The following RNLS variants were observed in gnomAD, a reference collection of about 807,000 sequenced individuals.
The protein encoded by RNLS is renalase.
A neutral mutation model predicts 39.8 loss-of-function variants in RNLS; 39 were observed. The observed-to-expected ratio is 0.98, with a 90% CI of 0.76 to 1.28. The LOEUF is 1.28. RNLS is among the 50% of genes most tolerant of loss of function. The pLI is 0.00. For synonymous variants in RNLS, 147 were observed against 150.7 expected (o/e 0.98, Z 0.18); for missense variants, 410 against 413.3 (o/e 0.99, Z 0.07).
At chr10:88,295,732 T>C (rs2132916794) in intron 6 of RNLS, among the ~76,000 whole-genome samples, 1 of 152,330 alleles carries the variant, frequency 6.6e-6, no homozygotes, top group South Asian at 2.1e-4. Flanking sequence ...GCAGGCAGAA[T>C]GTGCCACAAA....
chr10:88,571,843 A>T (rs1849858022), intron 4 of RNLS, among the ~76,000 whole-genome samples: 1 of 152,152 alleles, frequency 6.6e-6, no homozygotes. Context: ...TGTTGTTCAC[A>T]TGTATACTAG....
chr10:88,274,707 C>A, exon 7 of RNLS: 1 of 369,038 alleles, frequency 2.7e-6, no homozygotes. Context: ...GATAGATATC[C>A]AGATGTGGAA....
rs548831706 is a variant in RNLS, at chr10:88,362,941, C to T, written c.527-216G>A. Among the ~76,000 whole-genome samples, 15 of 152,230 alleles carry T rather than the reference C, an allele frequency of 9.9e-5. No homozygotes were observed. The East Asian group carries it at 2.5e-3, about 25-fold the overall frequency. On this transcript the variant is annotated intron_variant, in intron 4 of 6. Transcript: ENST00000331772. ...AAATTGTTTTTATCAAGCTGAAGGT[C>T]CACATTCTTTGGAATGGCGTTCAAG...
intron 4 of RNLS, among the ~76,000 whole-genome samples, chr10:88,545,715 T>A (rs1353254410): frequency 6.6e-6 from 1 of 152,196 alleles, no homozygotes; most frequent in Non-Finnish European, 1.5e-5. Context: ...AGCATTATAC[T>A]GCTATTATGT....
intron 4 of RNLS, among the ~76,000 whole-genome samples, chr10:88,504,323 G>A (rs1356142863): frequency 6.6e-6 from 1 of 152,000 alleles, no homozygotes; most frequent in Non-Finnish European, 1.5e-5. Context: ...TGATACTAGG[G>A]TGATTCCCAG....
chr10:88,382,273 T>C lies in RNLS; in HGVS notation c.527-19548A>G, dbSNP rs116166993. Among the ~76,000 whole-genome samples the C allele has an allele frequency of 6.9e-3, 1,048 of 152,226 alleles. 14 individuals are homozygous for C. Among genetic ancestry groups the C allele is most frequent in the African/African-American group, 0.023 (975 of 41,562 alleles). ...TACAGTGGAGTGTAGATGACTGTTA[T>C]CAAATTAGATGGCAAAGCATTGTGT... On this transcript the variant is annotated intron_variant, in intron 4 of 6. Coordinates refer to ENST00000331772, the MANE Select transcript of RNLS (RefSeq NM_001031709.3).
chr10:88,318,100 G>C (rs1845899704), intron 5 of RNLS, among the ~76,000 whole-genome samples: 1 of 152,224 alleles, frequency 6.6e-6, no homozygotes, highest in Admixed American at 6.5e-5. Context: ...ACTGAGCCAT[G>C]CTGGTTGTGC....
intron 4 of RNLS, among the ~76,000 whole-genome samples, chr10:88,504,677 T>G (rs1845687120): frequency 6.6e-6 from 1 of 152,070 alleles, no homozygotes; most frequent in South Asian, 2.1e-4. Flanking sequence ...TTAAAGGAAC[T>G]CTTGCATTCA....
intron 4 of RNLS, among the ~76,000 whole-genome samples, chr10:88,438,247 A>C (rs980731595): frequency 5.3e-5 from 8 of 152,122 alleles, no homozygotes; most frequent in Non-Finnish European, 1.0e-4. Context: ...CAATCCAGGC[A>C]GAGGGCAAAA....
the RNLS span, among the ~76,000 whole-genome samples, chr10:88,250,454 T>C: frequency 1.3e-5 from 2 of 152,068 alleles, no homozygotes; most frequent in Non-Finnish European, 2.9e-5. Flanking sequence ...ATGAATGAAA[T>C]GAATGAAGCA....
the RNLS span, among the ~76,000 whole-genome samples, chr10:88,234,929 A>G: frequency 6.6e-6 from 1 of 152,088 alleles, no homozygotes. Flanking sequence ...AGGGGTGGAT[A>G]TATTTGGCAA....
At chr10:88,444,284 C>T (rs1393179586) in intron 4 of RNLS, among the ~76,000 whole-genome samples, 1 of 152,160 alleles carries the variant, frequency 6.6e-6, no homozygotes, top group East Asian at 1.9e-4. Flanking sequence ...GGAAAACTAA[C>T]AAACAGAAAG....
chr10:88,230,777 G>A, the RNLS span, among the ~76,000 whole-genome samples: 1 of 152,182 alleles, frequency 6.6e-6, no homozygotes, highest in Admixed American at 6.5e-5. Context: ...TGTCAGTGCT[G>A]TTCTAATACT....
the RNLS span, among the ~76,000 whole-genome samples, chr10:88,235,342 T>C: frequency 1.3e-5 from 2 of 149,856 alleles, no homozygotes; most frequent in Admixed American, 6.6e-5. Context: ...GTGATAAATA[T>C]GGTCATATGC....
chr10:88,499,459 G>A (rs899608261), intron 4 of RNLS, among the ~76,000 whole-genome samples: 6 of 152,064 alleles, frequency 3.9e-5, no homozygotes, highest in African/African-American at 9.7e-5. Flanking sequence ...GCCTGTGTTC[G>A]TAACAGATAA....
chr10:88,285,339 A>G lies in RNLS; in HGVS notation c.*15T>C. ...TAAAAACCCAATACACATGTAGAGA[A>G]TAAGGATATAGGCACTAAATATAAT... is the stretch of plus-strand genomic sequence containing the variant. On this transcript the variant is annotated 3_prime_UTR_variant, in exon 7 of 7. Coordinates refer to ENST00000331772, the MANE Select transcript of RNLS (RefSeq NM_001031709.3). The G allele has an allele frequency of 2.5e-6, 4 of 1,598,334 alleles. No homozygotes were observed. Among genetic ancestry groups the G allele is most frequent in the Admixed American group, 1.7e-5 (1 of 58,720 alleles).
chr10:88,192,824 G>T, the RNLS span, among the ~76,000 whole-genome samples: 1 of 152,170 alleles, frequency 6.6e-6, no homozygotes, highest in African/African-American at 2.4e-5. Context: ...GCTGCCATTT[G>T]TATTTACACT....
intron 4 of RNLS, among the ~76,000 whole-genome samples, chr10:88,374,059 T>TAATA (rs1850776076): frequency 6.6e-6 from 1 of 152,050 alleles, no homozygotes; most frequent in Non-Finnish European, 1.5e-5. Context: ...TTTTATATAT[T>TAATA]AATATATAGC....
chr10:88,476,420 C>T (rs1392157739), intron 4 of RNLS, among the ~76,000 whole-genome samples: 2 of 152,088 alleles, frequency 1.3e-5, no homozygotes, highest in Non-Finnish European at 2.9e-5. Context: ...GGGCACTGGT[C>T]CATGGACCAC....
Sources: allele counts gnomAD v4.1 joint callset (sites outside exome capture counted in the v4.1 genomes callset), GRCh38; gene constraint gnomAD v4.1.1; transcripts MANE v1.5; gene names NCBI Gene and HGNC (gene_info 2026-07-23, HGNC 2026-07-21).